Variants in SREBF2 observed in about 807,000 individuals in gnomAD.
The protein encoded by SREBF2 is sterol regulatory element binding transcription factor 2.
Under a neutral mutation model 113.1 loss-of-function variants are expected in SREBF2, and 55 were observed. The ratio of observed to expected loss-of-function variants is 0.49; its 90% CI spans 0.39 to 0.61. The LOEUF is 0.61. Ranked by LOEUF, SREBF2 falls within the 20% of genes least tolerant of loss-of-function variation. SREBF2 has a pLI of 0.00. For missense variants in SREBF2, 1,349 were observed against 1,487.4 expected (o/e 0.91, Z 1.53); for synonymous variants, 593 against 605.7 (o/e 0.98, Z 0.31).
At chr22:41,851,680 A>G (rs901734875) in intron 1 of SREBF2, among the ~76,000 whole-genome samples, 6 of 151,870 alleles carry the variant, frequency 4.0e-5, no homozygotes, top group African/African-American at 1.5e-4. Context: ...TTTTAAGTAG[A>G]GAGAGGGTTT....
intron 1 of SREBF2, among the ~76,000 whole-genome samples, chr22:41,851,800 G>C (rs567932002): frequency 1.3e-4 from 19 of 151,318 alleles, no homozygotes; most frequent in Non-Finnish European, 2.2e-4. Context: ...CAGCCAATAA[G>C]GCCTTGCTTC....
intron 9 of SREBF2, among the ~76,000 whole-genome samples, chr22:41,879,072 G>A (rs1465226756): frequency 6.6e-6 from 1 of 152,154 alleles, no homozygotes; most frequent in African/African-American, 2.4e-5. Context: ...GTGTTGCCTG[G>A]CTGGTCCTGA....
chr22:41,852,617 A>T (rs1030055869), intron 1 of SREBF2, among the ~76,000 whole-genome samples: 1 of 151,190 alleles, frequency 6.6e-6, no homozygotes, highest in African/African-American at 2.4e-5. Context: ...GGCCATATTT[A>T]TAACCAAAAC....
intron 11 of SREBF2, among the ~76,000 whole-genome samples, chr22:41,890,848 C>T (rs1001963391): frequency 1.3e-5 from 2 of 151,172 alleles, no homozygotes; most frequent in African/African-American, 4.9e-5. Flanking sequence ...GCGGAGGTTG[C>T]AGTGAGCCAA....
At chr22:41,899,864 A>T (rs951816817) in intron 15 of SREBF2, among the ~76,000 whole-genome samples, 2 of 152,228 alleles carry the variant, frequency 1.3e-5, no homozygotes, top group Non-Finnish European at 2.9e-5. Context: ...CTAGGATGCT[A>T]TGAGAACCCT....
chr22:41,848,554 T>G (rs530415361), intron 1 of SREBF2, among the ~76,000 whole-genome samples: 1 of 152,240 alleles, frequency 6.6e-6, no homozygotes, highest in South Asian at 2.1e-4. Context: ...GGGTCGGGAC[T>G]CTGGTTGATT....
chr22:41,839,126 C>G (rs1569367623), intron 1 of SREBF2, among the ~76,000 whole-genome samples: 1 of 152,080 alleles, frequency 6.6e-6, no homozygotes, highest in Non-Finnish European at 1.5e-5. Flanking sequence ...GAAGGCTTGT[C>G]CCTGAAGGCA....
chr22:41,855,189 AC>A (rs1398159110), intron 1 of SREBF2, among the ~76,000 whole-genome samples: 2 of 152,136 alleles, frequency 1.3e-5, no homozygotes, highest in African/African-American at 4.8e-5. Flanking sequence ...ACTGATATTT[AC>A]ATAGAAAAAA....
chr22:41,852,467 A>G (rs1183812645), intron 1 of SREBF2, among the ~76,000 whole-genome samples: 1 of 152,058 alleles, frequency 6.6e-6, no homozygotes. Flanking sequence ...GCTTTTTGAC[A>G]TCTTGCCTTT....
intron 9 of SREBF2, among the ~76,000 whole-genome samples, chr22:41,879,843 C>T (rs1431858581): frequency 1.3e-5 from 2 of 152,190 alleles, no homozygotes; most frequent in African/African-American, 4.8e-5. Context: ...ATTAGACCCT[C>T]TCAGGTTGAC....
At chr22:41,863,018 AG>A (rs1267203434) in intron 1 of SREBF2, among the ~76,000 whole-genome samples, 1 of 152,200 alleles carries the variant, frequency 6.6e-6, no homozygotes. Flanking sequence ...TTCCCACAAA[AG>A]GGTTTCAAGA....
intron 17 of SREBF2, among the ~76,000 whole-genome samples, chr22:41,904,217 C>T (rs979964413): frequency 5.3e-5 from 8 of 152,196 alleles, no homozygotes; most frequent in Non-Finnish European, 8.8e-5. Context: ...TTCTGCTGCT[C>T]CCTGCTGAGA....
At position 41,884,869 on chromosome 22, in the gene SREBF2, C is replaced by G. The variant is rs747355316; in HGVS notation, c.2066C>G (p.Ser689Cys). Residue 689 changes from serine (S) to cysteine (C), a missense_variant, in exon 11 of 19, where the codon TCC becomes TGC. Ser to Cys is a moderately radical substitution (Grantham distance 112, BLOSUM62 -1). Transcript: ENST00000361204. ...AAGCTTCCTGCAGGATCCGCCTGTT[C>G]CGATGTACACATGGCGTTGTGTGCC... ...TGKLPAGSACSDVHMALCAVN... is the reference protein window; with the variant it reads ...TGKLPAGSACCDVHMALCAVN... 14 of 1,614,180 alleles carry G rather than the reference C, an allele frequency of 8.7e-6. No homozygotes were observed. The South Asian group carries it at 1.1e-4, about 13-fold the overall frequency.
intron 11 of SREBF2, among the ~76,000 whole-genome samples, chr22:41,887,665 G>A (rs2077312021): frequency 6.6e-6 from 1 of 152,158 alleles, no homozygotes; most frequent in African/African-American, 2.4e-5. Context: ...TATGAAGGGT[G>A]CTGCTGTGAA....
At position 41,903,004 on chromosome 22, in the gene SREBF2, C is replaced by T. The variant is rs141210425; in HGVS notation, c.2942C>T (p.Ser981Leu). The change falls in exon 17 of 19, where the codon TCG becomes TTG. Residue 981 changes from serine (S) to leucine (L), a missense_variant. Ser to Leu is a moderately radical substitution (Grantham distance 145, BLOSUM62 -2). This residue lies in a region of SREBF2 where 650 missense variants were observed against 644.1 expected (regional missense o/e 1.01). Transcript: ENST00000361204. Reference protein sequence around the residue: ...VQLLTCDLLLSLRTALWQKQA... With the variant: ...VQLLTCDLLLLLRTALWQKQA... ...CTGCTCACCTGTGACCTGCTACTGT[C>T]GCTACGGACAGCGCTCTGGCAAAAA... The T allele has an allele frequency of 1.9e-5, 30 of 1,611,590 alleles. No homozygotes were observed. Among genetic ancestry groups the T allele is most frequent in the African/African-American group, 1.6e-4 (12 of 74,916 alleles).
intron 1 of SREBF2, among the ~76,000 whole-genome samples, chr22:41,850,465 G>A (rs1041678464): frequency 1.1e-4 from 16 of 147,272 alleles, no homozygotes; most frequent in African/African-American, 3.9e-4. Context: ...AAAAAAAAAA[G>A]TAATGACATG....
rs2077185466 is a variant in SREBF2 at position 41,875,363 on chromosome 22, G to C, written c.1116G>C (p.Lys372Asn). The C allele has an allele frequency of 1.2e-6, 2 of 1,613,932 alleles. No homozygotes were observed. Among genetic ancestry groups the C allele is most frequent in the Admixed American group, 3.3e-5 (2 of 60,002 alleles). ...TGCACAAGTCTGGCGTTCTGAGGAA[G>C]GCCATTGATTACATCAAATACTTGC... ...AKMHKSGVLR[K>N]AIDYIKYLQQ... is the part of the protein sequence containing the mutation. Residue 372 changes from lysine (K) to asparagine (N), a missense_variant, in exon 6 of 19, where the codon AAG becomes AAC. This residue lies in a region of SREBF2 where 699 missense variants were observed against 843.3 expected (regional missense o/e 0.83). Transcript: ENST00000361204.
At chr22:41,886,330 G>C (rs920402068) in intron 11 of SREBF2, 1 of 152,152 alleles carries the variant, frequency 6.6e-6, no homozygotes, top group Non-Finnish European at 1.5e-5. Flanking sequence ...AGCTGGTCTT[G>C]GGGGAAGTCA....
At position 41,880,887 on chromosome 22, in the gene SREBF2, C is replaced by T. The variant is rs1403069786; in HGVS notation, c.1933C>T (p.Arg645Trp). ...RWLLKKVFQC[R>W]RATPATEAGF... ...GCTGCTCAAGAAAGTCTTCCAGTGC[C>T]GGCGGGCCACGCCAGCCACTGAGGC... The change falls in exon 10 of 19, where the codon CGG becomes TGG. Residue 645 changes from arginine to tryptophan, a missense_variant. Arg to Trp is a moderately radical substitution (Grantham distance 101). Coordinates refer to ENST00000361204, the MANE Select transcript of SREBF2 (RefSeq NM_004599.4). 10 of 1,612,584 alleles carry T rather than the reference C, an allele frequency of 6.2e-6. No individual in the cohort carries two copies. Among genetic ancestry groups the T allele is most frequent in the East Asian group, 4.5e-5 (2 of 44,880 alleles).
Sources: allele counts gnomAD v4.1 joint callset (sites outside exome capture counted in the v4.1 genomes callset), GRCh38; gene constraint gnomAD v4.1.1; regional missense constraint gnomAD v4.1.1; transcripts MANE v1.5; gene names NCBI Gene and HGNC (gene_info 2026-07-23, HGNC 2026-07-21).